Variants in RAMP1 observed in about 807,000 individuals in gnomAD.
The protein encoded by RAMP1 is receptor activity modifying protein 1.
A neutral mutation model predicts 8.2 loss-of-function variants in RAMP1; 7 were observed. That is an observed-to-expected ratio of 0.85 (90% CI 0.49 to 1.60). The LOEUF (loss-of-function observed/expected upper bound fraction) is 1.60. Ranked by LOEUF, RAMP1 falls within the 40% of genes most tolerant of loss-of-function variation. RAMP1 has a pLI of 0.00. For missense variants in RAMP1, 192 were observed against 202.4 expected, an observed-to-expected ratio of 0.95 and a Z score of 0.31; for synonymous variants, 92 against 84.7, an observed-to-expected ratio of 1.09 and a Z score of -0.47.
chr2:237,874,472 G>A (rs1408192847), intron 1 of RAMP1, among the ~76,000 whole-genome samples: 2 of 152,228 alleles, frequency 1.3e-5, no homozygotes. Context: ...CCCTTTACCA[G>A]ATCCTCCACT....
chr2:237,903,043 G>A (rs1460110980), intron 2 of RAMP1, among the ~76,000 whole-genome samples: 3 of 152,128 alleles, frequency 2.0e-5, no homozygotes, highest in African/African-American at 4.8e-5. Flanking sequence ...ATTTAGCAGA[G>A]AGACTGGGTC....
intron 2 of RAMP1, among the ~76,000 whole-genome samples, chr2:237,907,041 G>A (rs1402236874): frequency 5.3e-5 from 8 of 152,054 alleles, no homozygotes; most frequent in Non-Finnish European, 1.0e-4. Context: ...ATTTTCAAAA[G>A]GTATTTTTTT....
intron 2 of RAMP1, among the ~76,000 whole-genome samples, chr2:237,901,292 C>G (rs1374209418): frequency 6.6e-6 from 1 of 152,244 alleles, no homozygotes; most frequent in Admixed American, 6.5e-5. Context: ...TGCTCTTACC[C>G]TCCCTGCCCC....
At chr2:237,881,802 C>T (rs1300472452) in intron 2 of RAMP1, among the ~76,000 whole-genome samples, 5 of 151,766 alleles carry the variant, frequency 3.3e-5, no homozygotes, top group Admixed American at 6.6e-5. Context: ...CTTTGTCTCT[C>T]GTGTACATTA....
chr2:237,908,383 T>C (rs1157768509), intron 2 of RAMP1, among the ~76,000 whole-genome samples: 1 of 128,934 alleles, frequency 7.8e-6, no homozygotes, highest in Non-Finnish European at 1.7e-5. Flanking sequence ...GTGACTGTCC[T>C]GTCCCTTCCC....
At chr2:237,860,684 T>A (rs1284204491) in intron 1 of RAMP1, among the ~76,000 whole-genome samples, 3 of 144,038 alleles carry the variant, frequency 2.1e-5, no homozygotes, top group Non-Finnish European at 4.7e-5. Flanking sequence ...GTTTCTGGTA[T>A]GTGTGGCCTT....
At chr2:237,864,729 G>C (rs539268058) in intron 1 of RAMP1, among the ~76,000 whole-genome samples, 5 of 152,348 alleles carry the variant, frequency 3.3e-5, no homozygotes, top group African/African-American at 1.2e-4. Context: ...TGTCCATAGT[G>C]CCAGGGTGGG....
chr2:237,889,236 C>T (rs772956123), intron 2 of RAMP1, among the ~76,000 whole-genome samples: 17 of 152,226 alleles, frequency 1.1e-4, no homozygotes, highest in Non-Finnish European at 2.1e-4. Flanking sequence ...CGTGTGACCT[C>T]CGCACAGCTG....
chr2:237,904,080 G>A (rs2062631734), intron 2 of RAMP1, among the ~76,000 whole-genome samples: 2 of 152,202 alleles, frequency 1.3e-5, no homozygotes, highest in Admixed American at 1.3e-4. Flanking sequence ...TGGATGTTTG[G>A]TCTTTCATTT....
chr2:237,876,275 G>T (rs755864921), intron 1 of RAMP1, among the ~76,000 whole-genome samples: 2 of 152,208 alleles, frequency 1.3e-5, no homozygotes, highest in Non-Finnish European at 2.9e-5. Context: ...CCCTGGGCCC[G>T]AGGCTGCAAG....
chr2:237,870,450 G>T (rs1182577151), intron 1 of RAMP1, among the ~76,000 whole-genome samples: 1 of 152,238 alleles, frequency 6.6e-6, no homozygotes, highest in Non-Finnish European at 1.5e-5. Flanking sequence ...TAAGAAGTAT[G>T]CTTGGAGCTC....
Position 237,884,359 on chromosome 2 carries a change from T to C in RAMP1, c.191+6997T>C, listed in dbSNP as rs372534818. Among the ~76,000 whole-genome samples, 34 of 152,256 alleles carry C rather than the reference T, an allele frequency of 2.2e-4. No individual in the cohort carries two copies. The South Asian group carries it at 6.2e-3, about 28-fold the overall frequency. On this transcript the variant is annotated intron_variant, in intron 2 of 2. Coordinates refer to ENST00000254661, the MANE Select transcript of RAMP1 (RefSeq NM_005855.4). The stretch of plus-strand genomic sequence containing the variant: ...AGCTACAATCTAATTTGAGGAGGTA[T>C]AGAAAACCTGGCAAATGTGTCATCG...
chr2:237,891,195 A>G (rs56398331), intron 2 of RAMP1, among the ~76,000 whole-genome samples: 97,679 of 148,916 alleles, frequency 0.66, 32,251 homozygotes, highest in African/African-American at 0.77. Flanking sequence ...TGTCACCCAG[A>G]GTGAGGGTGC....
intron 1 of RAMP1, among the ~76,000 whole-genome samples, chr2:237,864,741 C>T (rs556278201): frequency 6.6e-6 from 1 of 152,360 alleles, no homozygotes; most frequent in South Asian, 2.1e-4. Flanking sequence ...CAGGGTGGGG[C>T]AGCCCTGCTG....
intron 1 of RAMP1, among the ~76,000 whole-genome samples, chr2:237,872,187 C>T (rs1269544552): frequency 6.6e-6 from 1 of 152,178 alleles, no homozygotes; most frequent in Non-Finnish European, 1.5e-5. Context: ...AGCCCCTCAG[C>T]CAAGGAGGGC....
intron 2 of RAMP1, among the ~76,000 whole-genome samples, chr2:237,883,064 A>T (rs2062387857): frequency 6.6e-6 from 1 of 152,138 alleles, no homozygotes; most frequent in Non-Finnish European, 1.5e-5. Context: ...CTGGGGCAGA[A>T]GCCAAGCAAG....
Position 237,877,730 on chromosome 2 carries a change from C to T in RAMP1, c.191+368C>T, listed in dbSNP as rs763809009. 7.9e-5 allele frequency among the ~76,000 whole-genome samples: 12 copies of T among 152,192 alleles called. No individual in the cohort carries two copies. The highest frequency in any genetic ancestry group is 1.6e-4 in the Non-Finnish European group (11 of 68,014). ...CTGGAGCCTGGCTTCAGGGACGTCC[C>T]TGCTGATTCCCTCTGTCCCTGTGGT... On this transcript the variant is annotated intron_variant, in intron 2 of 2. Coordinates refer to ENST00000254661, the MANE Select transcript of RAMP1 (RefSeq NM_005855.4). This position sits in a 1 kb window ranked among gnomAD's most constrained non-coding sequence, Gnocchi z 4.4.
chr2:237,877,442 G>A lies in RAMP1; in HGVS notation c.191+80G>A, dbSNP rs2062319869. The A allele has an allele frequency of 2.6e-6, 4 of 1,531,184 alleles. No individual in the cohort carries two copies. The African/African-American group carries it at 5.5e-5, about 21-fold the overall frequency. 94.8% of individuals were successfully genotyped at this position (1,531,184 alleles called of 1,614,324 possible). On this transcript the variant is annotated intron_variant, in intron 2 of 2. Transcript: ENST00000254661. This position sits in a 1 kb window ranked among gnomAD's most constrained non-coding sequence, Gnocchi z 4.4. Reference sequence around the variant, plus strand: ...AGCGGAGGAGGAGTGGACCACGTGGGAGCTGTGGAAGATCCTTTCTAGACC... The same window carrying A: ...AGCGGAGGAGGAGTGGACCACGTGGAAGCTGTGGAAGATCCTTTCTAGACC...
intron 2 of RAMP1, among the ~76,000 whole-genome samples, chr2:237,909,766 AC>A (rs1432660856): frequency 1.4e-4 from 21 of 152,228 alleles, no homozygotes; most frequent in African/African-American, 4.8e-4. Context: ...CCTGTGGCCT[AC>A]AAACCCACAT....
Sources: gnomAD v4.1 joint callset for allele counts (sites outside exome capture counted in the v4.1 genomes callset) on GRCh38, gnomAD v4.1.1 for gene constraint, Gnocchi (gnomAD v3.1) non-coding constraint, MANE v1.5 for transcripts, NCBI Gene and HGNC (gene_info 2026-07-23, HGNC 2026-07-21) for gene names.